Variants in ZNF726 observed in about 807,000 individuals in gnomAD.
ZNF726 encodes the protein zinc finger protein 726, also known as zinc finger protein 92 pseudogene 3.
In ZNF726, 15 loss-of-function variants were observed where a neutral mutation model predicts 11.6. That is an observed-to-expected ratio of 1.29 (90% CI 0.86 to 1.99). The LOEUF is 1.99. Among genes scored for constraint, ZNF726 ranks in the 30% most tolerant of loss-of-function variants. ZNF726 has a pLI of 0.00. For missense variants in ZNF726, 890 were observed against 725.6 expected (o/e 1.23, Z -2.60); for synonymous variants, 295 against 243.6 (o/e 1.21, Z -1.96).
intron 3 of ZNF726, among the ~76,000 whole-genome samples, chr19:23,926,553 GA>G (rs1967992330): frequency 1.3e-5 from 1 of 76,458 alleles, no homozygotes; most frequent in African/African-American, 5.5e-5. Flanking sequence ...CTGGGCAACA[GA>G]GCAAGACTCT....
chr19:23,920,184 C>A, intron 3 of ZNF726, 102 bp downstream of exon 3: 1 of 792,510 alleles, frequency 1.3e-6, no homozygotes, highest in Non-Finnish European at 1.9e-6. Context: ...CCAAAGGAAA[C>A]CGTTTCTGGA....
At chr19:23,928,498 A>G (rs1968035636) in intron 3 of ZNF726, 1 of 152,136 alleles carries the variant, frequency 6.6e-6, no homozygotes, top group Admixed American at 6.5e-5. Context: ...ACACATACAG[A>G]TAGATAGAGA....
Position 23,933,713 on chromosome 19 carries a change from G to A in ZNF726, c.1597G>A (p.Gly533Arg). The change falls in exon 4 of 4, where the codon GGA becomes AGA. Residue 533 changes from glycine (G) to arginine (R), a missense_variant. Physicochemically the swap from Gly to Arg is moderately radical, Grantham distance 125. Coordinates refer to ENST00000594466, the MANE Select transcript of ZNF726 (RefSeq NM_001244038.2). Reference sequence around the variant, plus strand: ...ATCTAAACATAAGAGGATTCACACTGGAGAGAAACCCTACAAATGTGAAGA... The same window carrying A: ...ATCTAAACATAAGAGGATTCACACTAGAGAGAAACCCTACAAATGTGAAGA... The part of the protein sequence containing the change: ...TLSKHKRIHT[G>R]EKPYKCEECG... The A allele has an allele frequency of 6.2e-7, 1 of 1,612,154 alleles. No homozygotes were observed.
chr19:23,922,024 GTACCCCCA>G (rs1967865379), intron 3 of ZNF726, among the ~76,000 whole-genome samples: 1 of 152,180 alleles, frequency 6.6e-6, no homozygotes. Context: ...TATTTTCGTT[GTACCCCCA>G]GGGTGATAGA....
intron 1 of ZNF726, among the ~76,000 whole-genome samples, chr19:23,916,235 C>T (rs988353304): frequency 1.3e-5 from 2 of 152,112 alleles, no homozygotes; most frequent in African/African-American, 2.4e-5. Context: ...TTTTGTCTGA[C>T]GTTGCCAAAT....
At chr19:23,925,255 T>A (rs1406792938) in intron 3 of ZNF726, among the ~76,000 whole-genome samples, 1 of 152,248 alleles carries the variant, frequency 6.6e-6, no homozygotes, top group Non-Finnish European at 1.5e-5. Context: ...TATAGATTCA[T>A]AAATGGAATC....
chr19:23,944,708 A>G, intron 4 of ZNF726: 1 of 202,872 alleles, frequency 4.9e-6, no homozygotes, highest in Non-Finnish European at 9.7e-6. Flanking sequence ...ATAATAATAC[A>G]ATAATAGTTT....
intron 1 of ZNF726, 90 bp from the exon 2 acceptor site, chr19:23,919,283 T>G: frequency 6.4e-7 from 1 of 1,556,556 alleles, no homozygotes; most frequent in Admixed American, 1.9e-5. Flanking sequence ...TAGAATCAAT[T>G]CTATTCACTT....
downstream of ZNF726, among the ~76,000 whole-genome samples, chr19:23,939,049 T>G (rs1234495970): frequency 6.6e-6 from 1 of 152,130 alleles, no homozygotes; most frequent in Non-Finnish European, 1.5e-5. Context: ...TGGTGATTTG[T>G]GAGACCCTGA....
intron 3 of ZNF726, chr19:23,920,940 TCTA>T (rs1967832940): frequency 6.6e-6 from 1 of 151,804 alleles, no homozygotes; most frequent in Non-Finnish European, 1.5e-5. Flanking sequence ...ATGTGTCCAC[TCTA>T]CTGCTGTGTC....
At chr19:23,927,194 T>C (rs1352872705) in intron 3 of ZNF726, among the ~76,000 whole-genome samples, 1 of 152,018 alleles carries the variant, frequency 6.6e-6, no homozygotes, top group Non-Finnish European at 1.5e-5. Flanking sequence ...TTAGAATTCC[T>C]GAGTTCAGGC....
rs181462247 is a variant in ZNF726 at position 23,915,372 on chromosome 19, A to C, written c.3+375A>C. ...CTTTGGTCCGTGGGGTTTTCAGGCC[A>C]TTTTTTCCTATTAAAAATTTATGGG... is the stretch of plus-strand genomic sequence containing the variant. On this transcript the variant is annotated intron_variant, in intron 1 of 3. Coordinates refer to ENST00000594466, the MANE Select transcript of ZNF726 (RefSeq NM_001244038.2). Among the ~76,000 whole-genome samples, 393 of 152,160 alleles carry C rather than the reference A, an allele frequency of 2.6e-3. 3 individuals are homozygous for C. In the Middle Eastern group the frequency reaches 0.037, roughly 14 times the overall value.
downstream of ZNF726, among the ~76,000 whole-genome samples, chr19:23,937,323 G>T (rs1196911153): frequency 6.6e-6 from 1 of 151,766 alleles, no homozygotes; most frequent in Non-Finnish European, 1.5e-5. Context: ...TGGCTAGCGG[G>T]CGGAGACCCT....
chr19:23,934,373 G>A lies in ZNF726; in HGVS notation c.*406G>A. 1.9e-6 allele frequency: 1 copy of A among 522,596 alleles called. No individual in the cohort carries two copies. The highest frequency in any genetic ancestry group is 3.9e-6 in the Non-Finnish European group (1 of 258,846). The allele number at this position is 522,596 out of a possible 1,614,324, so 32.4% of individuals were successfully genotyped here. A position where few individuals can be genotyped will look rare whatever the true frequency, so the allele number is the denominator to read the frequency against. ...TACTGAACATAAAGTAATTCATACT[G>A]AAGAGAAACCCTACAAATGTGAAAA... On this transcript the variant is annotated 3_prime_UTR_variant, in exon 4 of 4. Transcript: ENST00000594466.
intron 4 of ZNF726, chr19:23,943,604 A>G (rs1372453264): frequency 1.6e-6 from 1 of 613,188 alleles, no homozygotes; most frequent in Non-Finnish European, 3.0e-6. Context: ...GTAAGCATGA[A>G]TGAAGCCGAT....
At chr19:23,943,475 C>CT (rs749945396) in intron 3 of ZNF726, 5 of 590,898 alleles carry the variant, frequency 8.5e-6, no homozygotes, top group East Asian at 2.7e-5. Context: ...AGTCATATTA[C>CT]TTTTTTCTAA....
chr19:23,920,045 G>T lies in ZNF726; in HGVS notation c.189G>T (p.Trp63Cys). 3 of 1,590,136 alleles carry T rather than the reference G, an allele frequency of 1.9e-6. No homozygotes were observed. The highest frequency in any genetic ancestry group is 1.3e-5 in the African/African-American group (1 of 74,532). The change falls in exon 3 of 4, where the codon TGG becomes TGT. Residue 63 changes from tryptophan to cysteine, a missense_variant. Transcript: ENST00000594466. ...IICLEKEKEPWNMKRDEMVDE... is the reference protein window; with the variant it reads ...IICLEKEKEPCNMKRDEMVDE... ...GTCTGGAGAAAGAAAAAGAGCCCTG[G>T]AATATGAAGCGAGATGAGATGGTGG...
intron 3 of ZNF726, among the ~76,000 whole-genome samples, chr19:23,930,850 AAAT>A (rs1267890638): frequency 6.6e-6 from 1 of 152,238 alleles, no homozygotes; most frequent in Non-Finnish European, 1.5e-5. Flanking sequence ...ATTTACCACA[AAAT>A]ATTTTTAAAT....
chr19:23,942,043 C>T (rs1489906597), intron 3 of ZNF726, among the ~76,000 whole-genome samples: 1 of 151,788 alleles, frequency 6.6e-6, no homozygotes, highest in African/African-American at 2.4e-5. Flanking sequence ...TCTCTGGTTC[C>T]TTGAGGTGGA....
Sources: gnomAD v4.1 joint callset for allele counts (sites outside exome capture counted in the v4.1 genomes callset) on GRCh38, gnomAD v4.1.1 for gene constraint, MANE v1.5 for transcripts, NCBI Gene and HGNC (gene_info 2026-07-23, HGNC 2026-07-21) for gene names.